Variants in SGK3 observed in about 807,000 individuals in gnomAD.
SGK3 encodes the protein serum/glucocorticoid regulated kinase family member 3.
Under a neutral mutation model 68.5 loss-of-function variants are expected in SGK3, and 47 were observed. The observed-to-expected ratio is 0.69, with a 90% CI of 0.54 to 0.87. The LOEUF is 0.87. Among genes scored for constraint, SGK3 ranks in the 40% least tolerant of loss-of-function variants. The pLI is 0.00. For synonymous variants in SGK3, 181 were observed against 189.1 expected (o/e 0.96, Z 0.35); for missense variants, 479 against 575.5 (o/e 0.83, Z 1.72).
chr8:66,741,766 G>T (rs1450388403), intron 1 of SGK3, among the ~76,000 whole-genome samples: 1 of 152,192 alleles, frequency 6.6e-6, no homozygotes, highest in African/African-American at 2.4e-5. Flanking sequence ...CAAAAGCTTT[G>T]TATTCACCAA....
intron 1 of SGK3, among the ~76,000 whole-genome samples, chr8:66,759,693 C>T (rs780981501): frequency 3.3e-5 from 5 of 152,016 alleles, no homozygotes; most frequent in Non-Finnish European, 5.9e-5. Context: ...GATGGAGTCT[C>T]GCTGTGTTGC....
intron 1 of SGK3, among the ~76,000 whole-genome samples, chr8:66,740,799 CAGG>C (rs1239657644): frequency 6.7e-6 from 1 of 150,050 alleles, no homozygotes; most frequent in Non-Finnish European, 1.5e-5. Flanking sequence ...CCCAGCTACT[CAGG>C]AGGATGAGAC....
chr8:66,835,042 G>A (rs1252779436), intron 8 of SGK3, among the ~76,000 whole-genome samples: 2 of 152,126 alleles, frequency 1.3e-5, no homozygotes, highest in Non-Finnish European at 2.9e-5. Flanking sequence ...GGTCGAGGCA[G>A]GTGGATCACT....
At chr8:66,737,269 A>G (rs1805348228) in intron 1 of SGK3, 1 of 152,156 alleles carries the variant, frequency 6.6e-6, no homozygotes, top group African/African-American at 2.4e-5. Flanking sequence ...CTATAATCCC[A>G]GCACTTTGGG....
intron 5 of SGK3, among the ~76,000 whole-genome samples, chr8:66,817,199 G>A (rs536150176): frequency 6.7e-4 from 102 of 152,100 alleles, no homozygotes; most frequent in Non-Finnish European, 1.1e-3. Flanking sequence ...TTGGGAGGCC[G>A]AGGCAGGCGG....
chr8:66,750,072 C>A (rs2130428638), intron 1 of SGK3, among the ~76,000 whole-genome samples: 1 of 151,812 alleles, frequency 6.6e-6, no homozygotes. Context: ...GCCTTGATTC[C>A]CAGTGCATCT....
Position 66,822,722 on chromosome 8 carries a change from G to A in SGK3, c.417+263G>A, listed in dbSNP as rs368478317. The stretch of plus-strand genomic sequence containing the variant: ...CAACCTCCACCTCCCAGGTTCAAGC[G>A]ATTCTCCTGCCTCAGCCTCCCCAGT... On this transcript the variant is annotated intron_variant, in intron 6 of 16. Transcript: ENST00000521198. 1.2e-4 allele frequency among the ~76,000 whole-genome samples: 18 copies of A among 152,224 alleles called. No homozygotes were observed. The South Asian group carries it at 3.3e-3, about 28-fold the overall frequency.
At chr8:66,803,325 GT>G (rs1239872369) in intron 3 of SGK3, among the ~76,000 whole-genome samples, 7 of 152,058 alleles carry the variant, frequency 4.6e-5, no homozygotes, top group African/African-American at 1.7e-4. Flanking sequence ...GTTTTTGGGT[GT>G]TTTTGTTTGT....
At chr8:66,845,134 C>G (rs1443429604) in intron 14 of SGK3, among the ~76,000 whole-genome samples, 4 of 152,216 alleles carry the variant, frequency 2.6e-5, no homozygotes, top group African/African-American at 4.8e-5. Context: ...CACAGTGGCT[C>G]ACGCCTGTAA....
intron 1 of SGK3, among the ~76,000 whole-genome samples, chr8:66,744,509 A>T (rs1443363565): frequency 2.0e-4 from 5 of 25,084 alleles, no homozygotes; most frequent in African/African-American, 9.8e-4. Flanking sequence ...ATATATATAT[A>T]TATATATATA....
chr8:66,798,777 C>T, intron 3 of SGK3, 152 bp downstream of exon 3: 1 of 607,442 alleles, frequency 1.6e-6, no homozygotes, highest in Non-Finnish European at 2.6e-6. Flanking sequence ...AACATCCTAA[C>T]TTTGGAATGC....
intron 1 of SGK3, among the ~76,000 whole-genome samples, chr8:66,763,417 G>C (rs533893732): frequency 2.0e-5 from 3 of 152,168 alleles, no homozygotes; most frequent in Middle Eastern, 3.4e-3. Flanking sequence ...TATCATACTG[G>C]AAAGTAAGGA....
chr8:66,752,156 C>T (rs891902549), intron 1 of SGK3, among the ~76,000 whole-genome samples: 2 of 152,114 alleles, frequency 1.3e-5, no homozygotes, highest in Non-Finnish European at 2.9e-5. Flanking sequence ...CATGTGCCAA[C>T]AAAATGGGAT....
rs1024569221 is a variant in SGK3 at position 66,861,699 on chromosome 8, G to A, written c.*2118G>A. 1 of 152,084 alleles carries A rather than the reference G, an allele frequency of 6.6e-6. No individual in the cohort carries two copies. Among genetic ancestry groups the A allele is most frequent in the African/African-American group, 2.4e-5 (1 of 41,428 alleles). 9.4% of individuals were successfully genotyped at this position (152,084 alleles called of 1,614,324 possible). On this transcript the variant is annotated 3_prime_UTR_variant, in exon 17 of 17. Coordinates refer to ENST00000521198, the MANE Select transcript of SGK3 (RefSeq NM_001033578.3). ...TGTTCAGCAGAATTGGGCAGTGGGGGTGACTTTTCTTATATTAATAATATT... is the reference window on the plus strand; with the variant it reads ...TGTTCAGCAGAATTGGGCAGTGGGGATGACTTTTCTTATATTAATAATATT...
At chr8:66,746,507 G>A (rs1805659301) in intron 1 of SGK3, among the ~76,000 whole-genome samples, 1 of 152,056 alleles carries the variant, frequency 6.6e-6, no homozygotes, top group Non-Finnish European at 1.5e-5. Context: ...AGTTTTGCTT[G>A]AGGCCAGGAG....
intron 15 of SGK3, among the ~76,000 whole-genome samples, chr8:66,850,404 ACTC>A (rs899797807): frequency 6.6e-5 from 10 of 151,936 alleles, no homozygotes; most frequent in Non-Finnish European, 1.3e-4. Context: ...TTTTATTTCT[ACTC>A]CACTGTATAA....
intron 7 of SGK3, 84 bp from the exon 8 acceptor site, chr8:66,831,170 T>C: frequency 6.6e-7 from 1 of 1,514,968 alleles, no homozygotes; most frequent in Non-Finnish European, 9.1e-7. Flanking sequence ...CATTTATTTT[T>C]TAAAGAGGGA....
chr8:66,847,287 C>G lies in SGK3; in HGVS notation c.1169C>G (p.Ser390Cys). 4 of 1,613,904 alleles carry G rather than the reference C, an allele frequency of 2.5e-6. No individual in the cohort carries two copies. In the East Asian group the frequency reaches 6.7e-5, roughly 27 times the overall value. ...CCAGGAGTGAGTCTTACAGCCTGGT[C>G]CATTCTGGAAGAACTCCTAGAAAAA... ...LRPGVSLTAW[S>C]ILEELLEKDR... Residue 390 changes from serine to cysteine, a missense_variant, in exon 15 of 17, where the codon TCC becomes TGC. Coordinates refer to ENST00000521198, the MANE Select transcript of SGK3 (RefSeq NM_001033578.3).
intron 1 of SGK3, among the ~76,000 whole-genome samples, chr8:66,744,232 G>A (rs1174426186): frequency 6.6e-6 from 1 of 151,746 alleles, no homozygotes; most frequent in Non-Finnish European, 1.5e-5. Flanking sequence ...ACTTTTAGAG[G>A]CATTGCTCCC....
Sources: gnomAD v4.1 joint callset for allele counts (sites outside exome capture counted in the v4.1 genomes callset) on GRCh38, gnomAD v4.1.1 for gene constraint, MANE v1.5 for transcripts, NCBI Gene and HGNC (gene_info 2026-07-23, HGNC 2026-07-21) for gene names.